The following SFXN5 variants were observed in gnomAD, a reference collection of about 807,000 sequenced individuals.
SFXN5 encodes the protein sideroflexin 5.
SFXN5 carries 43 observed loss-of-function variants against 50.2 expected under a neutral mutation model. The ratio of observed to expected loss-of-function variants is 0.86; its 90% CI spans 0.67 to 1.11. The LOEUF is 1.11. SFXN5 is among the 50% of genes least tolerant of loss of function. The pLI, the probability that SFXN5 is intolerant of heterozygous loss-of-function variation, is 0.00. For synonymous variants in SFXN5, 203 were observed against 185.8 expected, an observed-to-expected ratio of 1.09 and a Z score of -0.75; for missense variants, 463 against 454.1, an observed-to-expected ratio of 1.02 and a Z score of -0.18.
chr2:73,043,745 A>G (rs568352272), intron 2 of SFXN5, among the ~76,000 whole-genome samples: 2 of 152,330 alleles, frequency 1.3e-5, no homozygotes, highest in African/African-American at 4.8e-5. Flanking sequence ...TTTAAAGAAA[A>G]TATCAGAACA....
chr2:73,068,793 C>T (rs768680017), intron 1 of SFXN5, among the ~76,000 whole-genome samples: 1 of 151,946 alleles, frequency 6.6e-6, no homozygotes, highest in Non-Finnish European at 1.5e-5. Flanking sequence ...TCAATGTATA[C>T]ACCGAGAAAG....
chr2:72,951,277 C>T lies in SFXN5; in HGVS notation c.946-6178G>A, dbSNP rs534219720. Among the ~76,000 whole-genome samples the T allele has an allele frequency of 7.9e-5, 12 of 152,258 alleles. 1 individual carries two copies. The South Asian group carries it at 2.5e-3, about 32-fold the overall frequency. The stretch of plus-strand genomic sequence containing the variant: ...GCCCCTCTCCGTATCAGAGTGCCAC[C>T]CCATCTTCCCAACCCCGCTCAGACC... On this transcript the variant is annotated intron_variant, in intron 13 of 13. Coordinates refer to ENST00000272433, the MANE Select transcript of SFXN5 (RefSeq NM_144579.3).
rs1672756478 is a variant in SFXN5, at chr2:72,992,789, C to A, written c.535-4441G>T. 6.6e-6 allele frequency among the ~76,000 whole-genome samples: 1 copy of A among 152,236 alleles called. No homozygotes were observed. The highest frequency in any genetic ancestry group is 1.5e-5 in the Non-Finnish European group (1 of 68,048). On this transcript the variant is annotated intron_variant, in intron 9 of 13. Transcript: ENST00000272433. This position sits in a 1 kb window ranked among gnomAD's most constrained non-coding sequence, Gnocchi z 4.5. ...GCCCCCATCCATCTGCTCTCTACAG[C>A]AGTCGGAGTGAAGTCTGAAAACATG...
At chr2:72,978,529 C>T (rs746942900) in intron 10 of SFXN5, among the ~76,000 whole-genome samples, 1 of 152,078 alleles carries the variant, frequency 6.6e-6, no homozygotes, top group Non-Finnish European at 1.5e-5. Flanking sequence ...GTGATCCACT[C>T]GCCTCAGCCT....
chr2:72,974,288 C>A (rs1469880305), intron 10 of SFXN5, among the ~76,000 whole-genome samples: 2 of 151,384 alleles, frequency 1.3e-5, no homozygotes, highest in Admixed American at 6.6e-5. Flanking sequence ...TGGTAGTGGA[C>A]CAGCCCTGAC....
chr2:73,058,900 C>T (rs189177315), intron 1 of SFXN5: 795 of 382,476 alleles, frequency 2.1e-3, no homozygotes, highest in Non-Finnish European at 2.7e-3. Context: ...CTATTAAAAG[C>T]TCCCAAGCAT....
At chr2:73,058,207 G>A (rs1682381743) in intron 2 of SFXN5, 1 of 219,608 alleles carries the variant, frequency 4.6e-6, no homozygotes, top group Admixed American at 5.1e-5. Flanking sequence ...CTTTTCTAAT[G>A]AGCAAATAAC....
intron 1 of SFXN5, chr2:73,059,228 G>C (rs1036380897): frequency 1.0e-5 from 10 of 985,646 alleles, no homozygotes; most frequent in Non-Finnish European, 4.8e-6. Context: ...ACAGGCATTG[G>C]AGCACAATGA....
At chr2:73,034,721 A>G (rs17008611) in intron 3 of SFXN5, among the ~76,000 whole-genome samples, 42,254 of 151,964 alleles carry the variant, frequency 0.28, 6,336 homozygotes, top group East Asian at 0.52. Flanking sequence ...TTCCGAGCTG[A>G]TTTCCGTAAT....
intron 2 of SFXN5, among the ~76,000 whole-genome samples, chr2:73,055,410 T>C (rs1449307470): frequency 3.3e-5 from 5 of 152,244 alleles, no homozygotes; most frequent in Admixed American, 3.3e-4. Flanking sequence ...ATGGAACTTA[T>C]AATAGCATCC....
chr2:72,949,284 C>T (rs1040492809), intron 13 of SFXN5, among the ~76,000 whole-genome samples: 1 of 152,030 alleles, frequency 6.6e-6, no homozygotes, highest in African/African-American at 2.4e-5. Flanking sequence ...TAGGGAGCCA[C>T]AGAAGGACTT....
rs1683637934 is a variant in SFXN5 at position 73,071,656 on chromosome 2, C to G, written c.50G>C (p.Ser17Thr). ...GAAAGGAGGTGCATCGCTCGAGGCG[C>G]TAGCGGCACTAGCCGCCGCCGCCGA... ...TASAAAASAA[S>T]ASSDAPPFQL... Residue 17 changes from serine (S) to threonine (T), a missense_variant, in exon 1 of 14, where the codon AGC becomes ACC. Ser to Thr is a moderately conservative substitution (Grantham distance 58). Coordinates refer to ENST00000272433, the MANE Select transcript of SFXN5 (RefSeq NM_144579.3). The G allele has an allele frequency of 6.2e-7, 1 of 1,613,140 alleles. No homozygotes were observed. Among genetic ancestry groups the G allele is most frequent in the East Asian group, 2.2e-5 (1 of 44,858 alleles).
intron 2 of SFXN5, chr2:73,049,566 A>G (rs1680971871): frequency 6.6e-6 from 1 of 152,100 alleles, no homozygotes; most frequent in Non-Finnish European, 1.5e-5. Context: ...GGCCTCTTTT[A>G]CAAGGGCCTT....
chr2:73,035,910 G>A (rs897402899), intron 3 of SFXN5, among the ~76,000 whole-genome samples: 5 of 152,314 alleles, frequency 3.3e-5, no homozygotes, highest in African/African-American at 1.2e-4. Context: ...ATACATTTGC[G>A]CATACCCACT....
At chr2:73,005,366 G>C (rs1203910275) in intron 6 of SFXN5, among the ~76,000 whole-genome samples, 1 of 152,196 alleles carries the variant, frequency 6.6e-6, no homozygotes, top group African/African-American at 2.4e-5. Flanking sequence ...CATGGACCTA[G>C]TGATTAACGC....
intron 6 of SFXN5, among the ~76,000 whole-genome samples, chr2:73,013,406 C>CGTGTGTGTGTGT (rs61590375): frequency 1.0e-3 from 141 of 139,792 alleles, no homozygotes; most frequent in African/African-American, 2.8e-3. Context: ...AGGGATATTT[C>CGTGTGTGTGTGT]GTGTGTGTGT....
intron 13 of SFXN5, chr2:72,956,935 T>A (rs1326611118): frequency 9.1e-6 from 4 of 438,056 alleles, no homozygotes; most frequent in Non-Finnish European, 1.9e-5. Flanking sequence ...CATGTCTAGC[T>A]ATGCCACCTA....
intron 6 of SFXN5, among the ~76,000 whole-genome samples, chr2:73,004,313 GCGCACACACA>G (rs1406172072): frequency 2.2e-5 from 3 of 138,430 alleles, no homozygotes; most frequent in African/African-American, 9.1e-5. Flanking sequence ...ATGAGTGCGC[GCGCACACACA>G]CACACACACA....
At chr2:73,023,404 G>T (rs897645937) in intron 3 of SFXN5, among the ~76,000 whole-genome samples, 190 bp from the exon 4 acceptor site, 37 of 152,116 alleles carry the variant, frequency 2.4e-4, no homozygotes, top group African/African-American at 8.9e-4. Context: ...GAGAGTAAGG[G>T]CCAGAGAGGT....
Sources: allele counts gnomAD v4.1 joint callset (sites outside exome capture counted in the v4.1 genomes callset), GRCh38; gene constraint gnomAD v4.1.1; non-coding constraint Gnocchi (gnomAD v3.1); transcripts MANE v1.5; gene names NCBI Gene and HGNC (gene_info 2026-07-23, HGNC 2026-07-21).